The following GHR variants were observed in gnomAD, a reference collection of about 807,000 sequenced individuals.
The protein encoded by GHR is growth hormone receptor.
GHR carries 35 observed loss-of-function variants against 67.1 expected under a neutral mutation model. The observed-to-expected ratio is 0.52, with a 90% CI of 0.40 to 0.69. The LOEUF is 0.69. Among genes scored for constraint, GHR ranks in the 30% least tolerant of loss-of-function variants. GHR has a pLI of 0.00. For missense variants in GHR, 792 were observed against 764.6 expected (o/e 1.04, Z -0.42); for synonymous variants, 272 against 269.1 (o/e 1.01, Z -0.10).
intron 3 of GHR, among the ~76,000 whole-genome samples, chr5:42,688,055 G>C (rs1757244029): frequency 6.6e-6 from 1 of 152,236 alleles, no homozygotes. Flanking sequence ...TAACACATGA[G>C]TATGTATAAG....
At chr5:42,426,456 T>A (rs1004262139) in intron 1 of GHR, among the ~76,000 whole-genome samples, 1 of 152,202 alleles carries the variant, frequency 6.6e-6, no homozygotes, top group Non-Finnish European at 1.5e-5. Flanking sequence ...ACTTCTCAGG[T>A]CGTACCACTG....
intron 1 of GHR, among the ~76,000 whole-genome samples, chr5:42,433,527 C>T (rs1286087101): frequency 6.6e-6 from 1 of 151,964 alleles, no homozygotes; most frequent in Non-Finnish European, 1.5e-5. Context: ...TAGTACCAAG[C>T]ATTCAAGCTA....
chr5:42,628,951 C>T (rs1753829056), intron 2 of GHR, 87 bp from the exon 3 acceptor site: 1 of 811,448 alleles, frequency 1.2e-6, no homozygotes, highest in Non-Finnish European at 2.1e-6. Context: ...GTTTGGGAAG[C>T]TGAGGATTTT....
chr5:42,488,914 C>CA (rs1177183908), intron 1 of GHR, among the ~76,000 whole-genome samples: 1 of 152,194 alleles, frequency 6.6e-6, no homozygotes, highest in African/African-American at 2.4e-5. Context: ...GGTTAAAAAA[C>CA]TAGCCCAAGT....
chr5:42,505,761 G>A (rs2112247128), intron 1 of GHR, among the ~76,000 whole-genome samples: 1 of 152,236 alleles, frequency 6.6e-6, no homozygotes, highest in South Asian at 2.1e-4. Flanking sequence ...TATATACAAA[G>A]CAACCAGTAT....
At chr5:42,556,003 G>A (rs1317969443) in intron 1 of GHR, among the ~76,000 whole-genome samples, 2 of 152,094 alleles carry the variant, frequency 1.3e-5, no homozygotes, top group African/African-American at 2.4e-5. Context: ...GTCAGGTTAC[G>A]GGATTGCTGA....
chr5:42,550,082 A>G lies in GHR; in HGVS notation c.-11-15782A>G, dbSNP rs907733248. The G allele has an allele frequency of 7.2e-6, 7 of 976,740 alleles. No homozygotes were observed. The African/African-American group carries it at 1.1e-4, about 15-fold the overall frequency. 60.5% of individuals were successfully genotyped at this position (976,740 alleles called of 1,614,324 possible). A position where few individuals can be genotyped will look rare whatever the true frequency, so the allele number is the denominator to read the frequency against. On this transcript the variant is annotated intron_variant, in intron 1 of 9. Transcript: ENST00000230882. Reference sequence around the variant, plus strand: ...GTTTGTATTGTCTGCCTGATGATCAATGATATTAGCTATGACAGCACGTAT... The same window carrying G: ...GTTTGTATTGTCTGCCTGATGATCAGTGATATTAGCTATGACAGCACGTAT...
chr5:42,552,323 C>T (rs1749076594), intron 1 of GHR, among the ~76,000 whole-genome samples: 1 of 152,124 alleles, frequency 6.6e-6, no homozygotes, highest in South Asian at 2.1e-4. Context: ...ATACATGCTC[C>T]TTTTCCGTAT....
At chr5:42,593,222 A>T (rs182038112) in intron 2 of GHR, among the ~76,000 whole-genome samples, 76 of 152,320 alleles carry the variant, frequency 5.0e-4, no homozygotes, top group African/African-American at 1.8e-3. Context: ...CACGTACTAT[A>T]TCTCATAAAT....
At chr5:42,672,906 A>G (rs1756386501) in intron 3 of GHR, among the ~76,000 whole-genome samples, 1 of 152,186 alleles carries the variant, frequency 6.6e-6, no homozygotes, top group African/African-American at 2.4e-5. Flanking sequence ...TTCAACAAAA[A>G]CAAAAACTGA....
In GHR at chr5:42,424,710, G is replaced by A; in HGVS notation, c.-12+755G>A. The A allele has an allele frequency of 9.2e-7, 1 of 1,088,970 alleles. No homozygotes were observed. Among genetic ancestry groups the A allele is most frequent in the Non-Finnish European group, 1.4e-6 (1 of 738,452 alleles). 67.5% of individuals were successfully genotyped at this position (1,088,970 alleles called of 1,614,324 possible). The stretch of plus-strand genomic sequence containing the variant: ...AACTGCCAGAGGCTGCGGGTCAATG[G>A]GGTGGCCGCGTGTCTAGGGAGAGGG... On this transcript the variant is annotated intron_variant, in intron 1 of 9. Transcript: ENST00000230882. This position sits in a 1 kb window ranked among gnomAD's most constrained non-coding sequence, Gnocchi z 4.1.
chr5:42,468,110 T>C, intron 1 of GHR: 4 of 1,158,062 alleles, frequency 3.5e-6, no homozygotes, highest in South Asian at 2.7e-5. Flanking sequence ...AACCAGTAAC[T>C]GAAGGTTCTT....
chr5:42,705,995 A>G (rs1451135523), intron 6 of GHR, among the ~76,000 whole-genome samples: 2 of 152,138 alleles, frequency 1.3e-5, no homozygotes, highest in Non-Finnish European at 2.9e-5. Flanking sequence ...GGCTGAACTA[A>G]TTTGAATTAT....
intron 1 of GHR, among the ~76,000 whole-genome samples, chr5:42,448,215 C>A (rs1388047187): frequency 6.6e-6 from 1 of 152,058 alleles, no homozygotes; most frequent in African/African-American, 2.4e-5. Context: ...CCACCAGTAG[C>A]GTAAAAGGGT....
chr5:42,525,649 T>A (rs545959384), intron 1 of GHR, among the ~76,000 whole-genome samples: 40 of 152,070 alleles, frequency 2.6e-4, no homozygotes, highest in Admixed American at 4.6e-4. Flanking sequence ...AATGATATGG[T>A]TTGGCTGTGT....
rs530402394 is a variant in GHR at position 42,454,481 on chromosome 5, G to T, written c.-12+30526G>T. On this transcript the variant is annotated intron_variant, in intron 1 of 9. Transcript: ENST00000230882. ...GGCAGATAGAAAAATACCATCAAGT[G>T]GGGGCAGGATTAGGCGGGTCTGAGC... Among the ~76,000 whole-genome samples, 18 of 152,312 alleles carry T rather than the reference G, an allele frequency of 1.2e-4. No homozygotes were observed. In the East Asian group the frequency reaches 2.3e-3, roughly 20 times the overall value.
rs144590349 is a variant in GHR, at chr5:42,474,333, G to GAAAGAAAGAAAGAAAGAAAAGAAAT, written c.-12+50385_-12+50386insGAAAGAAAGAAAAGAAATAAAGAAA. ...AGAAAGAAAGAAAGAAAGAAAGAAA[G>GAAAGAAAGAAAGAAAGAAAAGAAAT]AAAGAAAAGAAATAAAGAAAGAAAG... On this transcript the variant is annotated intron_variant, in intron 1 of 9. Coordinates refer to ENST00000230882, the MANE Select transcript of GHR (RefSeq NM_000163.5). Among the ~76,000 whole-genome samples the GAAAGAAAGAAAGAAAGAAAAGAAAT allele has an allele frequency of 6.2e-3, 918 of 148,948 alleles. 2 individuals carry two copies. Among genetic ancestry groups the GAAAGAAAGAAAGAAAGAAAAGAAAT allele is most frequent in the Middle Eastern group, 0.02 (6 of 294 alleles).
At chr5:42,712,663 A>AGCCTCT (rs1271034980) in intron 7 of GHR, among the ~76,000 whole-genome samples, 1 of 152,056 alleles carries the variant, frequency 6.6e-6, no homozygotes, top group Non-Finnish European at 1.5e-5. Flanking sequence ...AAAAGTGGTT[A>AGCCTCT]GCCTCTGCCT....
chr5:42,461,227 C>G (rs1744475644), intron 1 of GHR, among the ~76,000 whole-genome samples: 1 of 152,138 alleles, frequency 6.6e-6, no homozygotes, highest in South Asian at 2.1e-4. Context: ...GTACTTTGCC[C>G]TCCTCAACCC....
Sources: allele counts gnomAD v4.1 joint callset (sites outside exome capture counted in the v4.1 genomes callset), GRCh38; gene constraint gnomAD v4.1.1; non-coding constraint Gnocchi (gnomAD v3.1); transcripts MANE v1.5; gene names NCBI Gene and HGNC (gene_info 2026-07-23, HGNC 2026-07-21).